SNTG1: variants seen among roughly 807,000 people sequenced by gnomAD.
SNTG1 encodes the protein gamma-1-syntrophin.
SNTG1 carries 39 observed loss-of-function variants against 74.7 expected under a neutral mutation model. The ratio of observed to expected loss-of-function variants is 0.52; its 90% CI spans 0.40 to 0.68. The LOEUF (loss-of-function observed/expected upper bound fraction) is 0.68, where lower values mean the gene tolerates loss of function less well. Among genes scored for constraint, SNTG1 ranks in the 30% least tolerant of loss-of-function variants. The pLI is 0.00. For missense variants in SNTG1, 685 were observed against 609.5 expected, an observed-to-expected ratio of 1.12 and a Z score of -1.30; for synonymous variants, 254 against 217.1, an observed-to-expected ratio of 1.17 and a Z score of -1.49.
intron 13 of SNTG1, among the ~76,000 whole-genome samples, chr8:50,604,765 G>A (rs1309335530): frequency 2.0e-5 from 3 of 151,910 alleles, no homozygotes; most frequent in Admixed American, 6.6e-5. Context: ...TTTCTAGGGT[G>A]TGAGACAAAG....
chr8:50,708,341 C>T (rs568919370), intron 16 of SNTG1: 6 of 153,534 alleles, frequency 3.9e-5, no homozygotes, highest in African/African-American at 1.2e-4. Context: ...AGGAATATCT[C>T]GTGCAATATC....
At chr8:50,722,850 A>G (rs2131595802) in intron 17 of SNTG1, among the ~76,000 whole-genome samples, 1 of 152,328 alleles carries the variant, frequency 6.6e-6, no homozygotes, top group Admixed American at 6.5e-5. Context: ...ATCATTTCAT[A>G]TAAATGTCCA....
At chr8:50,570,708 G>A (rs759820288) in intron 12 of SNTG1, among the ~76,000 whole-genome samples, 1 of 151,422 alleles carries the variant, frequency 6.6e-6, no homozygotes, top group Non-Finnish European at 1.5e-5. Context: ...AGGTTCAAGC[G>A]ATTCTTCTGC....
chr8:50,244,629 AT>A (rs2129742872), intron 2 of SNTG1, among the ~76,000 whole-genome samples: 1 of 152,292 alleles, frequency 6.6e-6, no homozygotes, highest in African/African-American at 2.4e-5. Flanking sequence ...TCAATATAAA[AT>A]TTAGCTGTTC....
chr8:50,433,322 T>A (rs1036050772), intron 4 of SNTG1, among the ~76,000 whole-genome samples: 1 of 152,200 alleles, frequency 6.6e-6, no homozygotes, highest in African/African-American at 2.4e-5. Flanking sequence ...GTTCATTTCA[T>A]AAGCCTTTAT....
chr8:50,551,110 G>A (rs1184841705), intron 11 of SNTG1, among the ~76,000 whole-genome samples: 4 of 151,998 alleles, frequency 2.6e-5, no homozygotes, highest in Non-Finnish European at 5.9e-5. Context: ...TGAAATTGAG[G>A]CCCAACTAAG....
rs554585882 is a variant in SNTG1 at position 49,972,398 on chromosome 8, A to G, written c.-103+60167A>G. 1.5e-3 allele frequency among the ~76,000 whole-genome samples: 236 copies of G among 152,326 alleles called. 2 individuals carry two copies. Among genetic ancestry groups the G allele is most frequent in the African/African-American group, 5.5e-3 (230 of 41,566 alleles). On this transcript the variant is annotated intron_variant, in intron 1 of 18. Transcript: ENST00000642720. Reference sequence around the variant, plus strand: ...GATTAAAGACTTCAATGTTAGACCTAAAACCATAAAAACCCTAGAAGAAAA... The same window carrying G: ...GATTAAAGACTTCAATGTTAGACCTGAAACCATAAAAACCCTAGAAGAAAA...
chr8:50,394,074 T>C, intron 2 of SNTG1, 138 bp from the exon 3 acceptor site: 1 of 556,124 alleles, frequency 1.8e-6, no homozygotes, highest in African/African-American at 1.9e-5. Flanking sequence ...CAGTATACCC[T>C]GGAGCTCTTG....
chr8:50,380,249 T>G (rs1426040415), intron 2 of SNTG1, among the ~76,000 whole-genome samples: 6 of 152,226 alleles, frequency 3.9e-5, no homozygotes, highest in Admixed American at 3.9e-4. Context: ...CTCAAGTGAC[T>G]GTAACCATTG....
At chr8:50,335,395 G>C (rs530728592) in intron 2 of SNTG1, among the ~76,000 whole-genome samples, 5 of 152,116 alleles carry the variant, frequency 3.3e-5, no homozygotes, top group Non-Finnish European at 7.3e-5. Context: ...CCTGTTCAAG[G>C]CTCCGGAGAA....
intron 1 of SNTG1, among the ~76,000 whole-genome samples, chr8:49,927,345 T>A (rs1471070942): frequency 1.6e-4 from 24 of 152,136 alleles, no homozygotes; most frequent in Admixed American, 1.4e-3. Flanking sequence ...TTGGAAGTAA[T>A]CAAAATATTC....
Position 50,283,708 on chromosome 8 carries a change from C to T in SNTG1, c.-27-110504C>T, listed in dbSNP as rs185514779. ...ACATTACCTGGCCAAATCATTTCTT[C>T]AAAAGGGCACATAGTTCTGTATTTC... On this transcript the variant is annotated intron_variant, in intron 2 of 18. Transcript: ENST00000642720. Among the ~76,000 whole-genome samples, 230 of 152,184 alleles carry T rather than the reference C, an allele frequency of 1.5e-3. 1 individual carries two copies. The highest frequency in any genetic ancestry group is 4.7e-3 in the African/African-American group (197 of 41,548).
In SNTG1 at chr8:50,502,991, G is replaced by T. The variant is rs890657677; in HGVS notation, c.466+111G>T. The T allele has an allele frequency of 4.8e-5, 40 of 826,332 alleles. No individual in the cohort carries two copies. In the African/African-American group the frequency reaches 5.9e-4, roughly 12 times the overall value. The allele number at this position is 826,332 out of a possible 1,614,324, so 51.2% of individuals were successfully genotyped here. On this transcript the variant is annotated intron_variant, in intron 9 of 18. Transcript: ENST00000642720. ...TTAAAGTTGAGATTTTTGCCTGACT[G>T]TAAACATTTTTATATTACAAAGTGT...
rs925663007 is a variant in SNTG1, at chr8:50,120,867, C to T, written c.-102-51694C>T. Among the ~76,000 whole-genome samples, 4 of 141,884 alleles carry T rather than the reference C, an allele frequency of 2.8e-5. No homozygotes were observed. The Admixed American group carries it at 2.9e-4, about 10-fold the overall frequency. 93.1% of individuals were successfully genotyped at this position (141,884 alleles called of 152,430 possible). Reference sequence around the variant, plus strand: ...AATTATATGGTAGATATTAAATGAACAAGTCATGTAGCCGTGGAATGAGTG... The same window carrying T: ...AATTATATGGTAGATATTAAATGAATAAGTCATGTAGCCGTGGAATGAGTG... On this transcript the variant is annotated intron_variant, in intron 1 of 18. Transcript: ENST00000642720.
chr8:50,028,766 T>C (rs554512236), intron 1 of SNTG1, among the ~76,000 whole-genome samples: 14 of 152,314 alleles, frequency 9.2e-5, no homozygotes, highest in Admixed American at 3.9e-4. Context: ...TTTTTCTAAC[T>C]TATTGCCAGA....
chr8:50,174,714 T>A (rs1225453431), intron 2 of SNTG1, among the ~76,000 whole-genome samples: 4 of 152,164 alleles, frequency 2.6e-5, no homozygotes, highest in Middle Eastern at 3.2e-3. Flanking sequence ...ATTTTTTAAA[T>A]TTTTTTATTT....
intron 1 of SNTG1, among the ~76,000 whole-genome samples, chr8:50,075,390 T>C (rs1357712034): frequency 2.0e-5 from 3 of 152,206 alleles, no homozygotes; most frequent in African/African-American, 4.8e-5. Flanking sequence ...CAGCACTCTG[T>C]GTCTAGCTCT....
chr8:49,978,051 C>T (rs1386024266), intron 1 of SNTG1, among the ~76,000 whole-genome samples: 1 of 152,204 alleles, frequency 6.6e-6, no homozygotes, highest in Non-Finnish European at 1.5e-5. Flanking sequence ...CCCACGGGGC[C>T]TGTTGCCAAC....
chr8:50,762,465 TAATA>T (rs2095601726), intron 18 of SNTG1: 2 of 326,286 alleles, frequency 6.1e-6, no homozygotes, highest in Admixed American at 6.5e-5. Context: ...TTCTGTTTTG[TAATA>T]AATAAGGCAG....
Sources: gnomAD v4.1 joint callset for allele counts (sites outside exome capture counted in the v4.1 genomes callset) on GRCh38, gnomAD v4.1.1 for gene constraint, MANE v1.5 for transcripts, NCBI Gene and HGNC (gene_info 2026-07-23, HGNC 2026-07-21) for gene names.